TASOR: variants seen among roughly 807,000 people sequenced by gnomAD.
TASOR encodes protein TASOR.
In TASOR, 53 loss-of-function variants were observed where a neutral mutation model predicts 178.6. The observed-to-expected ratio is 0.30, with a 90% CI of 0.24 to 0.37. The LOEUF (loss-of-function observed/expected upper bound fraction) is 0.37. Among genes scored for constraint, TASOR ranks in the 10% least tolerant of loss-of-function variants. The pLI, the probability that TASOR is intolerant of heterozygous loss-of-function variation, is 1.00. For missense variants in TASOR, 1,815 were observed against 1,971.4 expected (o/e 0.92, Z 1.50); for synonymous variants, 713 against 696.2 (o/e 1.02, Z -0.38).
At chr3:56,665,184 CAG>C (rs1260315662) in intron 7 of TASOR, among the ~76,000 whole-genome samples, 6 of 151,728 alleles carry the variant, frequency 4.0e-5, no homozygotes, top group Non-Finnish European at 8.9e-5. Flanking sequence ...AAAAAAGAAA[CAG>C]AGGGTCCTCA....
intron 9 of TASOR, among the ~76,000 whole-genome samples, chr3:56,662,083 T>A (rs1020714889): frequency 1.3e-5 from 2 of 151,386 alleles, no homozygotes; most frequent in African/African-American, 4.9e-5. Flanking sequence ...CGAGCCGAGA[T>A]TGCACCACTG....
chr3:56,633,359 A>G lies in TASOR; in HGVS notation c.3432T>C (p.Asp1144=). The G allele has an allele frequency of 6.2e-7, 1 of 1,614,176 alleles. No individual in the cohort carries two copies. The highest frequency in any genetic ancestry group is 8.5e-7 in the Non-Finnish European group (1 of 1,180,026). ...LEPLCSDPLK[D]TNSDEQHSTS... ...TGGAATGCTGCTCATCAGAGTTGGTATCTTTCAAAGGATCACTACACAGTG... is the reference window on the plus strand; with the variant it reads ...TGGAATGCTGCTCATCAGAGTTGGTGTCTTTCAAAGGATCACTACACAGTG... The change falls in exon 18 of 24, where the codon GAT becomes GAC. Residue 1144 remains aspartate (D), a synonymous_variant. Coordinates refer to ENST00000683822, the MANE Select transcript of TASOR (RefSeq NM_001365635.2).
At chr3:56,636,915 T>C (rs1031263392) in intron 17 of TASOR, among the ~76,000 whole-genome samples, 24 of 151,878 alleles carry the variant, frequency 1.6e-4, no homozygotes, top group African/African-American at 5.8e-4. Context: ...GGCTCACACC[T>C]GTAATCCCAA....
chr3:56,631,835 G>A (rs1432587149), intron 18 of TASOR, among the ~76,000 whole-genome samples: 1 of 152,048 alleles, frequency 6.6e-6, no homozygotes. Flanking sequence ...CACCCGTCTT[G>A]GCCTCCCAAA....
intron 18 of TASOR, among the ~76,000 whole-genome samples, chr3:56,631,267 C>G (rs139827501): frequency 1.1e-3 from 162 of 152,230 alleles, no homozygotes; most frequent in Middle Eastern, 3.4e-3. Context: ...ACATGCTGAC[C>G]TCAGAGATCC....
chr3:56,638,840 A>G, intron 16 of TASOR, 75 bp from the exon 17 acceptor site: 1 of 1,372,748 alleles, frequency 7.3e-7, no homozygotes, highest in Non-Finnish European at 1.0e-6. Flanking sequence ...GACAACCCCA[A>G]GTGATAACAA....
chr3:56,628,524 G>C lies in TASOR; in HGVS notation c.3838C>G (p.Gln1280Glu), dbSNP rs1265715452. The C allele has an allele frequency of 1.9e-6, 3 of 1,603,394 alleles. No homozygotes were observed. Among genetic ancestry groups the C allele is most frequent in the African/African-American group, 1.3e-5 (1 of 74,606 alleles). The change falls in exon 19 of 24, where the codon CAA becomes GAA. Residue 1280 changes from glutamine (Q) to glutamate (E), a missense_variant. Physicochemically the swap from Gln to Glu is conservative, Grantham distance 29. Coordinates refer to ENST00000683822, the MANE Select transcript of TASOR (RefSeq NM_001365635.2). Reference sequence around the variant, plus strand: ...ATGAAACCTGCAATGTCTTCATTTTGAATAATAATCAATAGTTTATCTAAT... The same window carrying C: ...ATGAAACCTGCAATGTCTTCATTTTCAATAATAATCAATAGTTTATCTAAT... Reference protein sequence around the residue: ...SKLDKLLIIIQNEDIAGFIHK... With the variant: ...SKLDKLLIIIENEDIAGFIHK...
At chr3:56,671,344 AAAAT>A (rs763131550) in intron 3 of TASOR, 61 of 296,654 alleles carry the variant, frequency 2.1e-4, no homozygotes, top group African/African-American at 7.2e-4. Context: ...ATCTCAGAAA[AAAAT>A]AAATAAATAA....
rs989273954 is a variant in TASOR, at chr3:56,675,842, T to TA, written c.332-2118dup. ...TTTTTTATACATGATTATTAGACTT[T>TA]AAAAGACATGTCAAATGACAGAGCC... On this transcript the variant is annotated intron_variant, in intron 1 of 23. Transcript: ENST00000683822. 3.3e-5 allele frequency among the ~76,000 whole-genome samples: 5 copies of TA among 152,338 alleles called. No individual in the cohort carries two copies. The East Asian group carries it at 5.8e-4, about 18-fold the overall frequency.
intron 14 of TASOR, 48 bp downstream of exon 14, chr3:56,646,474 C>G: frequency 6.9e-7 from 1 of 1,458,792 alleles, no homozygotes; most frequent in African/African-American, 1.4e-5. Context: ...CAAGAAAGAA[C>G]AGAACTACTT....
chr3:56,666,672 C>G (rs968808445), intron 6 of TASOR, among the ~76,000 whole-genome samples: 4 of 151,868 alleles, frequency 2.6e-5, no homozygotes, highest in African/African-American at 9.7e-5. Context: ...ATATTATAAA[C>G]AGAGCCTAAG....
intron 11 of TASOR, among the ~76,000 whole-genome samples, chr3:56,649,569 C>G (rs1355141800): frequency 6.6e-6 from 1 of 152,130 alleles, no homozygotes; most frequent in Non-Finnish European, 1.5e-5. Context: ...CAAATACAAG[C>G]AACACAAGAT....
chr3:56,623,355 G>A lies in TASOR; in HGVS notation c.4695C>T (p.Tyr1565=), dbSNP rs778766874. ...VQNSLLEDKT[Y]LDSEERTSID... ...TAGAAGTTCTCTCTTCAGAATCAAG[G>A]TAAGTCTTATCTTCTAATAAACTGT... is the stretch of plus-strand genomic sequence containing the variant. The change falls in exon 24 of 24, where the codon TAC becomes TAT. Residue 1565 remains tyrosine, a synonymous_variant. Coordinates refer to ENST00000683822, the MANE Select transcript of TASOR (RefSeq NM_001365635.2). 1.9e-6 allele frequency: 3 copies of A among 1,613,388 alleles called. No homozygotes were observed. The highest frequency in any genetic ancestry group is 2.2e-5 in the South Asian group (2 of 91,058).
chr3:56,679,682 CA>C lies in TASOR; in HGVS notation c.331+2993del, dbSNP rs1227794122. On this transcript the variant is annotated intron_variant, in intron 1 of 23. Transcript: ENST00000683822. ...AAAACATTAACCAATAAACGTTTTCCAGAAAGTGAATCATCGCTACTCCATT... is the reference window on the plus strand; with the variant it reads ...AAAACATTAACCAATAAACGTTTTCCGAAAGTGAATCATCGCTACTCCATT... 2.0e-5 allele frequency among the ~76,000 whole-genome samples: 3 copies of C among 152,096 alleles called. No homozygotes were observed. The East Asian group carries it at 5.8e-4, about 29-fold the overall frequency.
intron 23 of TASOR, among the ~76,000 whole-genome samples, chr3:56,624,222 T>C (rs992538099): frequency 6.6e-6 from 1 of 152,188 alleles, no homozygotes; most frequent in Non-Finnish European, 1.5e-5. Context: ...GCATACTCCA[T>C]AGTATGCACT....
chr3:56,680,995 A>C (rs1318045903), intron 1 of TASOR, among the ~76,000 whole-genome samples: 2 of 152,026 alleles, frequency 1.3e-5, no homozygotes, highest in Non-Finnish European at 2.9e-5. Context: ...AAAACACACA[A>C]ACACAGTGCC....
At chr3:56,681,446 T>C (rs906781047) in intron 1 of TASOR, among the ~76,000 whole-genome samples, 2 of 152,216 alleles carry the variant, frequency 1.3e-5, no homozygotes, top group Non-Finnish European at 2.9e-5. Flanking sequence ...TTTGTCAACA[T>C]GGTTTCTCAC....
intron 11 of TASOR, among the ~76,000 whole-genome samples, chr3:56,654,073 T>A (rs2077417559): frequency 6.6e-6 from 1 of 151,954 alleles, no homozygotes; most frequent in Non-Finnish European, 1.5e-5. Flanking sequence ...TTGAGACCAA[T>A]CTGGGCAACA....
intron 7 of TASOR, 56 bp downstream of exon 7, chr3:56,666,204 C>A: frequency 7.2e-7 from 1 of 1,381,676 alleles, no homozygotes; most frequent in South Asian, 1.9e-5. Flanking sequence ...CTCAGTAGTA[C>A]AGGATCTGTA....
Sources: gnomAD v4.1 joint callset for allele counts (sites outside exome capture counted in the v4.1 genomes callset) on GRCh38, gnomAD v4.1.1 for gene constraint, MANE v1.5 for transcripts, NCBI Gene and HGNC (gene_info 2026-07-23, HGNC 2026-07-21) for gene names.